Variants in RARB observed in about 807,000 individuals in gnomAD.
RARB encodes HBV-activated protein.
In RARB, 17 loss-of-function variants were observed where a neutral mutation model predicts 51.9. The ratio of observed to expected loss-of-function variants is 0.33; its 90% CI spans 0.22 to 0.49. The LOEUF (loss-of-function observed/expected upper bound fraction) is 0.49. Among genes scored for constraint, RARB ranks in the 20% least tolerant of loss-of-function variants. The pLI is 0.99. For missense variants in RARB, 369 were observed against 550.8 expected, an observed-to-expected ratio of 0.67 and a Z score of 3.30; for synonymous variants, 215 against 195.4, an observed-to-expected ratio of 1.10 and a Z score of -0.84.
intron 5 of RARB, among the ~76,000 whole-genome samples, chr3:25,205,637 G>A (rs1032697049): frequency 3.3e-5 from 5 of 151,996 alleles, no homozygotes; most frequent in Non-Finnish European, 5.9e-5. Flanking sequence ...TTACCCTGAT[G>A]TAATTATTAT....
chr3:25,365,772 T>C (rs186110589), intron 5 of RARB, among the ~76,000 whole-genome samples: 2 of 152,316 alleles, frequency 1.3e-5, no homozygotes, highest in Non-Finnish European at 1.5e-5. Context: ...CTCACAACCA[T>C]GGAGACCTCA....
chr3:25,138,298 C>G (rs987954079), intron 4 of RARB, among the ~76,000 whole-genome samples: 3 of 150,650 alleles, frequency 2.0e-5, no homozygotes, highest in African/African-American at 7.3e-5. Flanking sequence ...TGCCTCCAGT[C>G]TGTGATACAA....
At chr3:24,973,297 T>G (rs1696441341) in intron 2 of RARB, among the ~76,000 whole-genome samples, 1 of 151,928 alleles carries the variant, frequency 6.6e-6, no homozygotes, top group Non-Finnish European at 1.5e-5. Context: ...AAGTGTAGAT[T>G]TATATCTGGA....
chr3:25,374,116 T>C (rs1314381611), intron 5 of RARB, among the ~76,000 whole-genome samples: 1 of 151,926 alleles, frequency 6.6e-6, no homozygotes, highest in Admixed American at 6.6e-5. Flanking sequence ...GCAGGGTGAA[T>C]GGTGAGGGTA....
chr3:24,861,594 TAAAAAAAAAA>T (rs3057186), intron 2 of RARB, among the ~76,000 whole-genome samples: 1 of 137,850 alleles, frequency 7.3e-6, no homozygotes. Context: ...TAACTTGTTA[TAAAAAAAAAA>T]AAAAAAAAAA....
At chr3:25,494,602 T>G (rs186373822) in intron 2 of RARB, among the ~76,000 whole-genome samples, 1 of 152,204 alleles carries the variant, frequency 6.6e-6, no homozygotes, top group Non-Finnish European at 1.5e-5. Context: ...TTCACTTGAC[T>G]TACTGTTTCT....
intron 2 of RARB, among the ~76,000 whole-genome samples, chr3:25,037,613 T>C (rs1184662544): frequency 6.6e-6 from 1 of 152,174 alleles, no homozygotes. Flanking sequence ...GAATAGGTAC[T>C]GTGGTGCTCA....
intron 5 of RARB, among the ~76,000 whole-genome samples, chr3:25,391,633 G>A (rs1255182807): frequency 1.3e-5 from 2 of 152,148 alleles, no homozygotes; most frequent in Non-Finnish European, 2.9e-5. Context: ...CTATTGCCCT[G>A]AAAATTAGTG....
intron 3 of RARB, among the ~76,000 whole-genome samples, chr3:25,526,503 A>ATTGGAC (rs1275939939): frequency 6.6e-6 from 1 of 152,252 alleles, no homozygotes; most frequent in Non-Finnish European, 1.5e-5. Flanking sequence ...CAGGCAAAGC[A>ATTGGAC]TAATGATGGC....
chr3:25,185,038 C>A lies in RARB; in HGVS notation c.178+10463C>A, dbSNP rs549746746. On this transcript the variant is annotated intron_variant, in intron 5 of 11. Transcript: ENST00000383772. ...TTCCATTAATTATGCATTCTAACTT[C>A]CAAAATGCAAAGGTCTTTCTACATG... Among the ~76,000 whole-genome samples, 3 of 152,298 alleles carry A rather than the reference C, an allele frequency of 2.0e-5. No homozygotes were observed. The East Asian group carries it at 5.8e-4, about 29-fold the overall frequency.
rs2125333746 is a variant in RARB, at chr3:25,597,660, T to TAGAATC, written c.*1045_*1050dup. The stretch of plus-strand genomic sequence containing the variant: ...TTAACAACTCCCAAAGAAACAGGCA[T>TAGAATC]AGAATCTGCCTCCTTTGACCTTGTT... On this transcript the variant is annotated 3_prime_UTR_variant, in exon 8 of 8. Coordinates refer to ENST00000330688, the MANE Select transcript of RARB (RefSeq NM_000965.5). The TAGAATC allele has an allele frequency of 6.7e-6, 1 of 150,038 alleles. No homozygotes were observed. Among genetic ancestry groups the TAGAATC allele is most frequent in the Admixed American group, 6.7e-5 (1 of 14,902 alleles). The allele number at this position is 150,038 out of a possible 1,614,324, so 9.3% of individuals were successfully genotyped here. A position where few individuals can be genotyped will look rare whatever the true frequency, so the allele number is the denominator to read the frequency against.
chr3:25,336,575 T>C (rs1051026920), intron 5 of RARB, among the ~76,000 whole-genome samples: 10 of 152,218 alleles, frequency 6.6e-5, no homozygotes, highest in Non-Finnish European at 1.3e-4. Flanking sequence ...TAAATGCTTA[T>C]AAGTATTTCA....
At chr3:25,101,394 A>G (rs1699397939) in intron 3 of RARB, among the ~76,000 whole-genome samples, 1 of 152,186 alleles carries the variant, frequency 6.6e-6, no homozygotes, top group South Asian at 2.1e-4. Flanking sequence ...ATAAGCACCT[A>G]TGAGTTTTTG....
At chr3:25,340,088 C>T (rs542305165) in intron 5 of RARB, among the ~76,000 whole-genome samples, 15 of 152,188 alleles carry the variant, frequency 9.9e-5, no homozygotes, top group South Asian at 2.1e-4. Context: ...AAGGAGAACA[C>T]GTGGGATGAA....
In RARB at chr3:24,987,777, T is replaced by C. The variant is rs751374335; in HGVS notation, c.-379-72348T>C. 4.6e-5 allele frequency among the ~76,000 whole-genome samples: 7 copies of C among 152,230 alleles called. No homozygotes were observed. In the East Asian group the frequency reaches 1.3e-3, roughly 29 times the overall value. On this transcript the variant is annotated intron_variant, in intron 2 of 11. Coordinates refer to the RARB transcript ENST00000383772. ...TTTGAGTTTTGGCAACACAGACCTC[T>C]TTCAGCCCCCTATTTGAATGAACCC...
chr3:25,389,874 A>C (rs1490022247), intron 5 of RARB, among the ~76,000 whole-genome samples: 1 of 152,226 alleles, frequency 6.6e-6, no homozygotes, highest in African/African-American at 2.4e-5. Flanking sequence ...AAGAAAGGGT[A>C]ATAATATTTG....
intron 3 of RARB, among the ~76,000 whole-genome samples, chr3:25,518,241 G>A (rs1285701658): frequency 1.3e-5 from 2 of 152,080 alleles, no homozygotes; most frequent in African/African-American, 2.4e-5. Flanking sequence ...AGTTGTGTAT[G>A]TGCTAGATGA....
At chr3:25,355,705 C>T (rs997306998) in intron 5 of RARB, among the ~76,000 whole-genome samples, 3 of 152,014 alleles carry the variant, frequency 2.0e-5, no homozygotes, top group Admixed American at 6.6e-5. Flanking sequence ...GAAAGCAAAA[C>T]GAAAGCAAGA....
intron 2 of RARB, among the ~76,000 whole-genome samples, chr3:24,964,224 T>G (rs1254057866): frequency 2.0e-5 from 3 of 152,138 alleles, no homozygotes; most frequent in African/African-American, 7.2e-5. Flanking sequence ...TTCTGCTAAT[T>G]TGGTTATATA....
Sources: gnomAD v4.1 joint callset for allele counts (sites outside exome capture counted in the v4.1 genomes callset) on GRCh38, gnomAD v4.1.1 for gene constraint, MANE v1.5 for transcripts, NCBI Gene and HGNC (gene_info 2026-07-23, HGNC 2026-07-21) for gene names.